Variants in PDZRN4 observed in about 807,000 individuals in gnomAD.
PDZRN4 encodes the protein PDZ domain containing ring finger 4.
Under a neutral mutation model 99.0 loss-of-function variants are expected in PDZRN4, and 70 were observed. The observed-to-expected ratio is 0.71, with a 90% CI of 0.58 to 0.86. PDZRN4 has a LOEUF of 0.86. PDZRN4 is among the 40% of genes least tolerant of loss of function. The pLI, the probability that PDZRN4 is intolerant of heterozygous loss-of-function variation, is 0.00. For missense variants in PDZRN4, 1,474 were observed against 1,331.2 expected (o/e 1.11, Z -1.67); for synonymous variants, 551 against 501.6 (o/e 1.10, Z -1.32).
At chr12:41,267,397 GGAA>G (rs1252551835) in intron 3 of PDZRN4, among the ~76,000 whole-genome samples, 1 of 151,718 alleles carries the variant, frequency 6.6e-6, no homozygotes, top group East Asian at 1.9e-4. Flanking sequence ...TCCTATATCT[GGAA>G]GAAGAAGAAA....
chr12:41,501,247 G>C (rs573531029), intron 3 of PDZRN4, among the ~76,000 whole-genome samples: 1 of 152,178 alleles, frequency 6.6e-6, no homozygotes, highest in South Asian at 2.1e-4. Flanking sequence ...TTCTCAAACA[G>C]CTGACTCTAG....
At chr12:41,366,864 T>A (rs17129294) in intron 3 of PDZRN4, among the ~76,000 whole-genome samples, 3,769 of 152,252 alleles carry the variant, frequency 0.025, 299 homozygotes, top group East Asian at 0.14. Context: ...AAAATGTCTT[T>A]GCAAATTGCT....
intron 3 of PDZRN4, among the ~76,000 whole-genome samples, chr12:41,322,509 G>A (rs1175349732): frequency 7.5e-4 from 10 of 13,274 alleles, no homozygotes; most frequent in African/African-American, 3.5e-3. Flanking sequence ...TTTTTTTTTT[G>A]AGACAGAGTC....
intron 3 of PDZRN4, among the ~76,000 whole-genome samples, chr12:41,322,814 T>A (rs1436603449): frequency 6.6e-6 from 1 of 152,144 alleles, no homozygotes; most frequent in Non-Finnish European, 1.5e-5. Context: ...TTAAAGTTAT[T>A]GGAAATATCT....
chr12:41,338,520 T>A (rs565137102), intron 3 of PDZRN4, among the ~76,000 whole-genome samples: 2 of 151,712 alleles, frequency 1.3e-5, no homozygotes, highest in African/African-American at 2.4e-5. Context: ...CCAACCAAAC[T>A]ATTGGTTTTT....
intron 3 of PDZRN4, among the ~76,000 whole-genome samples, chr12:41,313,685 A>C (rs184796372): frequency 6.0e-4 from 91 of 152,346 alleles, no homozygotes; most frequent in Non-Finnish European, 1.1e-3. Flanking sequence ...GCATCTGTCC[A>C]TCACATTGCT....
chr12:41,482,513 C>T (rs1937692203), intron 3 of PDZRN4, among the ~76,000 whole-genome samples: 1 of 152,110 alleles, frequency 6.6e-6, no homozygotes, highest in Non-Finnish European at 1.5e-5. Flanking sequence ...CTTAAAGTGG[C>T]AGGATCCATA....
intron 3 of PDZRN4, chr12:41,477,717 A>G: frequency 1.5e-6 from 1 of 668,316 alleles, no homozygotes; most frequent in Non-Finnish European, 2.7e-6. Context: ...TTATTTGGTG[A>G]ACAGACCAAC....
chr12:41,429,917 A>G (rs1222213655), intron 3 of PDZRN4, among the ~76,000 whole-genome samples: 3 of 152,114 alleles, frequency 2.0e-5, no homozygotes, highest in Non-Finnish European at 2.9e-5. Context: ...AAAAATAGTG[A>G]TAGTAGCATT....
intron 3 of PDZRN4, among the ~76,000 whole-genome samples, chr12:41,395,807 T>C (rs1300059064): frequency 6.6e-6 from 1 of 152,148 alleles, no homozygotes; most frequent in Non-Finnish European, 1.5e-5. Flanking sequence ...AGAAGCCTTT[T>C]GTTTAGCTGA....
At chr12:41,206,856 C>T (rs183863500) in intron 3 of PDZRN4, among the ~76,000 whole-genome samples, 5 of 151,958 alleles carry the variant, frequency 3.3e-5, no homozygotes, top group Admixed American at 2.6e-4. Flanking sequence ...TTCTGTGTTT[C>T]TTTTGACATT....
intron 5 of PDZRN4, among the ~76,000 whole-genome samples, chr12:41,518,375 C>G (rs1938438137): frequency 6.6e-6 from 1 of 151,910 alleles, no homozygotes; most frequent in Non-Finnish European, 1.5e-5. Flanking sequence ...GTGTGTTTTC[C>G]TCTTCTATGT....
intron 3 of PDZRN4, among the ~76,000 whole-genome samples, chr12:41,200,791 TC>T (rs1350645081): frequency 2.0e-5 from 3 of 152,122 alleles, no homozygotes; most frequent in Non-Finnish European, 4.4e-5. Flanking sequence ...ACCTGGCAAC[TC>T]CTTTCTGTCT....
intron 3 of PDZRN4, among the ~76,000 whole-genome samples, chr12:41,479,552 A>G (rs1937641040): frequency 6.6e-6 from 1 of 152,198 alleles, no homozygotes; most frequent in South Asian, 2.1e-4. Context: ...TCTAAGTTGC[A>G]TGGGAATCGT....
At chr12:41,551,189 A>T (rs1031625902) in intron 5 of PDZRN4, among the ~76,000 whole-genome samples, 2 of 151,980 alleles carry the variant, frequency 1.3e-5, no homozygotes, top group African/African-American at 4.8e-5. Flanking sequence ...CATAGAGGTC[A>T]CCTTCTCACT....
At chr12:41,438,646 A>G (rs1438217090) in intron 3 of PDZRN4, among the ~76,000 whole-genome samples, 3 of 152,192 alleles carry the variant, frequency 2.0e-5, no homozygotes, top group African/African-American at 7.2e-5. Context: ...TTGAGAGCTT[A>G]TTACAACAAC....
intron 3 of PDZRN4, among the ~76,000 whole-genome samples, chr12:41,258,591 AC>A (rs1951218038): frequency 6.6e-6 from 1 of 152,146 alleles, no homozygotes; most frequent in Admixed American, 6.5e-5. Flanking sequence ...TACAAAGACT[AC>A]TCTCTTAAAA....
chr12:41,359,514 C>A (rs1057222424), intron 3 of PDZRN4, among the ~76,000 whole-genome samples: 2 of 151,952 alleles, frequency 1.3e-5, no homozygotes, highest in African/African-American at 4.8e-5. Flanking sequence ...AACTCCCATA[C>A]AAGTGGGAAT....
intron 3 of PDZRN4, among the ~76,000 whole-genome samples, chr12:41,505,087 G>A (rs1938181640): frequency 6.6e-6 from 1 of 152,112 alleles, no homozygotes. Flanking sequence ...CTTGCTCTGA[G>A]CACACACATA....
Sources: allele counts gnomAD v4.1 joint callset (sites outside exome capture counted in the v4.1 genomes callset), GRCh38; gene constraint gnomAD v4.1.1; transcripts MANE v1.5; gene names NCBI Gene and HGNC (gene_info 2026-07-23, HGNC 2026-07-21).